MYCBP2: variants seen among roughly 807,000 people sequenced by gnomAD.
The protein encoded by MYCBP2 is E3 ubiquitin-protein ligase MYCBP2.
MYCBP2 carries 120 observed loss-of-function variants against 525.3 expected under a neutral mutation model. The ratio of observed to expected loss-of-function variants is 0.23; its 90% CI spans 0.20 to 0.27. The LOEUF (loss-of-function observed/expected upper bound fraction) is 0.27, where lower values mean the gene tolerates loss of function less well. MYCBP2 is among the 10% of genes least tolerant of loss of function. The probability of loss-of-function intolerance (pLI) is 1.00; values close to 1 mark genes in which losing one functional copy is unlikely to be tolerated. For synonymous variants in MYCBP2, 1,894 were observed against 1,955.8 expected, an observed-to-expected ratio of 0.97 and a Z score of 0.83; for missense variants, 4,149 against 5,657.1, an observed-to-expected ratio of 0.73 and a Z score of 8.55.
At chr13:77,145,639 T>C (rs1486307327) in intron 48 of MYCBP2, among the ~76,000 whole-genome samples, 2 of 152,142 alleles carry the variant, frequency 1.3e-5, no homozygotes, top group Admixed American at 6.6e-5. Context: ...CTCCAAAGTA[T>C]AATGCATCTA....
At chr13:77,239,307 T>A (rs1276575112) in intron 17 of MYCBP2, among the ~76,000 whole-genome samples, 1 of 152,220 alleles carries the variant, frequency 6.6e-6, no homozygotes, top group Non-Finnish European at 1.5e-5. Flanking sequence ...TACTAAATTT[T>A]TAGTTTCTAA....
At position 77,093,336 on chromosome 13, in the gene MYCBP2, C is replaced by T; in HGVS notation, c.10200-4G>A. ...CACAAAATTTTCATGATGATGCCTGCATTAAATCAAACCCAATAACTTAAA... is the reference window on the plus strand; with the variant it reads ...CACAAAATTTTCATGATGATGCCTGTATTAAATCAAACCCAATAACTTAAA... On this transcript the variant is annotated splice_polypyrimidine_tract_variant and splice_region_variant and intron_variant, in intron 58 of 82. Transcript: ENST00000544440. 6.2e-7 allele frequency: 1 copy of T among 1,612,116 alleles called. No homozygotes were observed. Among genetic ancestry groups the T allele is most frequent in the Non-Finnish European group, 8.5e-7 (1 of 1,178,954 alleles).
At chr13:77,231,036 G>A (rs1366103087) in intron 18 of MYCBP2, among the ~76,000 whole-genome samples, 1 of 152,180 alleles carries the variant, frequency 6.6e-6, no homozygotes, top group African/African-American at 2.4e-5. Context: ...GGAAATTAGT[G>A]AGCAGTAAAT....
Position 77,190,405 on chromosome 13 carries a change from G to C in MYCBP2, c.4071-70C>G, listed in dbSNP as rs936405173. On this transcript the variant is annotated intron_variant, in intron 28 of 82. Coordinates refer to ENST00000544440, the MANE Select transcript of MYCBP2 (RefSeq NM_015057.5). ...AGGAAATAAGAAATTTAAGAAACAT[G>C]TTTTCAAATCTTATGTCAATGAAAA... 1.1e-5 allele frequency: 10 copies of C among 916,140 alleles called. No homozygotes were observed. The Admixed American group carries it at 1.3e-4, about 12-fold the overall frequency. 56.8% of individuals were successfully genotyped at this position (916,140 alleles called of 1,614,324 possible).
intron 80 of MYCBP2, among the ~76,000 whole-genome samples, chr13:77,054,332 G>A (rs1237193261): frequency 6.6e-6 from 1 of 152,176 alleles, no homozygotes; most frequent in Non-Finnish European, 1.5e-5. Context: ...CTTGGGAGAT[G>A]AGACTGGAGA....
chr13:77,208,284 A>C (rs2063584136), intron 23 of MYCBP2, among the ~76,000 whole-genome samples: 1 of 152,168 alleles, frequency 6.6e-6, no homozygotes, highest in South Asian at 2.1e-4. Context: ...AAACTTCTAA[A>C]GTGATTCAGA....
At chr13:77,242,997 G>T in intron 17 of MYCBP2, 62 bp downstream of exon 17, 2 of 1,372,012 alleles carry the variant, frequency 1.5e-6, no homozygotes, top group Non-Finnish European at 1.0e-6. Context: ...ACTTTTCAGT[G>T]GTTTCAGGAT....
At chr13:77,184,711 T>C (rs1051007352) in intron 32 of MYCBP2, among the ~76,000 whole-genome samples, 1 of 152,232 alleles carries the variant, frequency 6.6e-6, no homozygotes, top group Non-Finnish European at 1.5e-5. Flanking sequence ...TGTGGCTTCC[T>C]CATGAATGAA....
chr13:77,206,903 T>C, intron 23 of MYCBP2, 78 bp from the exon 24 acceptor site: 2 of 1,226,406 alleles, frequency 1.6e-6, no homozygotes, highest in South Asian at 1.9e-5. Flanking sequence ...TAACTGATGA[T>C]ACAAAGAGAA....
chr13:77,116,318 T>C (rs1365095516), intron 55 of MYCBP2, among the ~76,000 whole-genome samples: 1 of 151,962 alleles, frequency 6.6e-6, no homozygotes. Flanking sequence ...GAATAAGCCA[T>C]CTTCTAAAGC....
At chr13:77,243,725 T>C (rs2069321917) in intron 16 of MYCBP2, 81 bp downstream of exon 16, 1 of 1,228,446 alleles carries the variant, frequency 8.1e-7, no homozygotes. Flanking sequence ...TTAACATATA[T>C]CTAAAAGAAA....
At chr13:77,261,078 TTG>T in intron 12 of MYCBP2, 91 bp downstream of exon 12, 1 of 976,978 alleles carries the variant, frequency 1.0e-6, no homozygotes, top group Non-Finnish European at 1.5e-6. Flanking sequence ...TGTGGTGTTA[TTG>T]AAATTCATAA....
intron 55 of MYCBP2, 58 bp downstream of exon 55, chr13:77,121,315 G>T (rs2050652240): frequency 7.3e-7 from 1 of 1,376,628 alleles, no homozygotes; most frequent in African/African-American, 1.5e-5. Context: ...GTATAAAAGA[G>T]AAGGTAATAA....
intron 27 of MYCBP2, among the ~76,000 whole-genome samples, chr13:77,193,866 C>T (rs2061514936): frequency 6.6e-6 from 1 of 151,910 alleles, no homozygotes; most frequent in Admixed American, 6.6e-5. Flanking sequence ...CTAGGTATTC[C>T]GTAAGAGATG....
intron 52 of MYCBP2, among the ~76,000 whole-genome samples, chr13:77,136,174 A>C (rs1248411789): frequency 6.6e-6 from 1 of 152,218 alleles, no homozygotes; most frequent in Admixed American, 6.5e-5. Context: ...AAGTCCATGC[A>C]GATGATCTTC....
chr13:77,203,778 A>C (rs980454613), intron 26 of MYCBP2, among the ~76,000 whole-genome samples: 23 of 152,188 alleles, frequency 1.5e-4, no homozygotes, highest in Non-Finnish European at 1.5e-4. Flanking sequence ...CAAACCTGAG[A>C]AAAACAAGAA....
chr13:77,287,027 G>A (rs1177342330), intron 3 of MYCBP2, among the ~76,000 whole-genome samples: 1 of 147,934 alleles, frequency 6.8e-6, no homozygotes, highest in Non-Finnish European at 1.5e-5. Context: ...TGGGACTACA[G>A]GCGCCCGCCA....
At position 77,301,379 on chromosome 13, in the gene MYCBP2, C is replaced by T. The variant is rs535862471; in HGVS notation, c.303-4705G>A. 1.2e-4 allele frequency among the ~76,000 whole-genome samples: 17 copies of T among 140,074 alleles called. No individual in the cohort carries two copies. The South Asian group carries it at 3.5e-3, about 29-fold the overall frequency. 91.9% of individuals were successfully genotyped at this position (140,074 alleles called of 152,430 possible). A position where few individuals can be genotyped will look rare whatever the true frequency, so the allele number is the denominator to read the frequency against. On this transcript the variant is annotated intron_variant, in intron 1 of 82. Coordinates refer to ENST00000544440, the MANE Select transcript of MYCBP2 (RefSeq NM_015057.5). ...TGTGACGAGCCAAGAGCCAAGATCG[C>T]GCCACTGCACTCCAGCCTGGGCTAC...
At chr13:77,256,701 G>A (rs553607085) in intron 14 of MYCBP2, among the ~76,000 whole-genome samples, 1 of 151,906 alleles carries the variant, frequency 6.6e-6, no homozygotes, top group Non-Finnish European at 1.5e-5. Context: ...CCCAGTTAAC[G>A]TGGCTTTTAT....
Sources: gnomAD v4.1 joint callset for allele counts (sites outside exome capture counted in the v4.1 genomes callset) on GRCh38, gnomAD v4.1.1 for gene constraint, MANE v1.5 for transcripts, NCBI Gene and HGNC (gene_info 2026-07-23, HGNC 2026-07-21) for gene names.